Variants in CCSER1 observed in about 807,000 individuals in gnomAD.
CCSER1 encodes coiled-coil serine rich protein 1.
A neutral mutation model predicts 82.0 loss-of-function variants in CCSER1; 41 were observed. The ratio of observed to expected loss-of-function variants is 0.50; its 90% CI spans 0.39 to 0.65. The LOEUF is 0.65. Ranked by LOEUF, CCSER1 falls within the 30% of genes least tolerant of loss-of-function variation. The probability of loss-of-function intolerance (pLI) is 0.00; values close to 1 mark genes in which losing one functional copy is unlikely to be tolerated. For synonymous variants in CCSER1, 414 were observed against 383.9 expected (o/e 1.08, Z -0.92); for missense variants, 1,119 against 1,064.2 (o/e 1.05, Z -0.72).
At chr4:91,367,299 A>G (rs1245289385) in intron 10 of CCSER1, among the ~76,000 whole-genome samples, 1 of 144,416 alleles carries the variant, frequency 6.9e-6, no homozygotes, top group Non-Finnish European at 1.5e-5. Flanking sequence ...CATAGGTGAC[A>G]GAGTGAGATC....
chr4:90,577,726 G>A (rs924545015), intron 5 of CCSER1, among the ~76,000 whole-genome samples: 3 of 151,996 alleles, frequency 2.0e-5, no homozygotes, highest in Admixed American at 6.6e-5. Context: ...ATTTTTAAGA[G>A]TTCCTCTGAA....
At chr4:91,194,040 G>A (rs1379852560) in intron 10 of CCSER1, among the ~76,000 whole-genome samples, 2 of 152,146 alleles carry the variant, frequency 1.3e-5, no homozygotes, top group Non-Finnish European at 2.9e-5. Flanking sequence ...CATGATCTCA[G>A]CTCACTGCAA....
intron 5 of CCSER1, among the ~76,000 whole-genome samples, chr4:90,521,903 G>T (rs1435612569): frequency 6.6e-6 from 1 of 152,054 alleles, no homozygotes; most frequent in Non-Finnish European, 1.5e-5. Context: ...ATTTTCTCCT[G>T]TTCAGAATGC....
intron 3 of CCSER1, among the ~76,000 whole-genome samples, chr4:90,326,030 A>G (rs1490303627): frequency 6.7e-6 from 1 of 149,296 alleles, no homozygotes; most frequent in Non-Finnish European, 1.5e-5. Context: ...TGCATATGCA[A>G]TTTCACAATC....
rs116371280 is a variant in CCSER1 at position 90,932,054 on chromosome 4, A to G, written c.2172+8607A>G. On this transcript the variant is annotated intron_variant, in intron 9 of 10. Coordinates refer to ENST00000509176, the MANE Select transcript of CCSER1 (RefSeq NM_001145065.2). ...ACATGGATTTTCAGAATATTATATTAGAAAGTTTCCTAAAAGAAAGCCACA... is the reference window on the plus strand; with the variant it reads ...ACATGGATTTTCAGAATATTATATTGGAAAGTTTCCTAAAAGAAAGCCACA... Among the ~76,000 whole-genome samples the G allele has an allele frequency of 5.1e-3, 771 of 152,320 alleles. 6 individuals carry two copies. Among genetic ancestry groups the G allele is most frequent in the African/African-American group, 0.016 (664 of 41,574 alleles).
At chr4:90,249,182 T>C (rs1277581920) in intron 1 of CCSER1, among the ~76,000 whole-genome samples, 4 of 152,148 alleles carry the variant, frequency 2.6e-5, no homozygotes, top group Admixed American at 2.6e-4. Context: ...AAAGCTGATC[T>C]GTGTAACAAC....
chr4:90,489,609 G>A (rs1251143188), intron 5 of CCSER1, among the ~76,000 whole-genome samples: 1 of 152,078 alleles, frequency 6.6e-6, no homozygotes, highest in Non-Finnish European at 1.5e-5. Flanking sequence ...CCATGTTGGT[G>A]TGCTGCACCC....
At chr4:90,905,008 T>C (rs1725246749) in intron 8 of CCSER1, among the ~76,000 whole-genome samples, 1 of 152,088 alleles carries the variant, frequency 6.6e-6, no homozygotes, top group South Asian at 2.1e-4. Flanking sequence ...GAACAGAAAC[T>C]TGGGAGTTGT....
At chr4:91,522,453 T>G (rs1760530050) in intron 10 of CCSER1, among the ~76,000 whole-genome samples, 1 of 152,206 alleles carries the variant, frequency 6.6e-6, no homozygotes. Context: ...AATCTATAAA[T>G]TACCTTGGGC....
intron 1 of CCSER1, among the ~76,000 whole-genome samples, chr4:90,306,245 A>T (rs1304829270): frequency 6.6e-6 from 1 of 152,158 alleles, no homozygotes; most frequent in African/African-American, 2.4e-5. Flanking sequence ...TTTCAGTTAG[A>T]CAGGAGAAAT....
At chr4:90,827,123 T>C (rs957765115) in intron 8 of CCSER1, among the ~76,000 whole-genome samples, 3 of 152,122 alleles carry the variant, frequency 2.0e-5, no homozygotes, top group Non-Finnish European at 4.4e-5. Context: ...TGAATTAAGG[T>C]GTTGAGCATT....
intron 6 of CCSER1, among the ~76,000 whole-genome samples, chr4:90,717,798 T>C (rs1741926265): frequency 6.6e-6 from 1 of 150,588 alleles, no homozygotes; most frequent in South Asian, 2.1e-4. Context: ...TATATATATA[T>C]GTGTATATAT....
rs116720485 is a variant in CCSER1 at position 90,338,287 on chromosome 4, A to G, written c.1509+25240A>G. ...ACTCTCCTGAAATATTCCAGCCTTT[A>G]CTGACTTAAACTTCTGTTTTGGACA... On this transcript the variant is annotated intron_variant, in intron 3 of 10. Coordinates refer to ENST00000509176, the MANE Select transcript of CCSER1 (RefSeq NM_001145065.2). 7.0e-3 allele frequency among the ~76,000 whole-genome samples: 1,061 copies of G among 152,228 alleles called. 6 individuals carry two copies. The highest frequency in any genetic ancestry group is 0.01 in the Non-Finnish European group (697 of 68,004).
chr4:90,777,703 C>T (rs1753124218), intron 7 of CCSER1, among the ~76,000 whole-genome samples: 1 of 151,936 alleles, frequency 6.6e-6, no homozygotes, highest in Admixed American at 6.6e-5. Flanking sequence ...CTACTTTAAA[C>T]ACATTAAAGT....
rs199616939 is a variant in CCSER1, at chr4:91,395,760, GA to G, written c.2218-202803del. ...AGTTAAGTAATGGGTAAATGAGAAA[GA>G]AAAAAAAATTCCCTGCTTGCCTGAT... On this transcript the variant is annotated intron_variant, in intron 10 of 10. Transcript: ENST00000509176. 3.0e-3 allele frequency among the ~76,000 whole-genome samples: 457 copies of G among 151,180 alleles called. 1 individual carries two copies. The highest frequency in any genetic ancestry group is 0.01 in the African/African-American group (427 of 41,264).
At chr4:91,022,248 G>A (rs1215855459) in intron 9 of CCSER1, among the ~76,000 whole-genome samples, 2 of 149,404 alleles carry the variant, frequency 1.3e-5, no homozygotes, top group Non-Finnish European at 3.0e-5. Flanking sequence ...GAGAACATGC[G>A]GTGTTTGGTT....
chr4:91,312,198 T>C (rs1745530967), intron 10 of CCSER1, among the ~76,000 whole-genome samples: 1 of 151,816 alleles, frequency 6.6e-6, no homozygotes, highest in Non-Finnish European at 1.5e-5. Flanking sequence ...GCTAATCATT[T>C]AGTATTACTA....
At position 91,515,958 on chromosome 4, in the gene CCSER1, AG is replaced by A. The variant is rs530451704; in HGVS notation, c.2218-82613del. On this transcript the variant is annotated intron_variant, in intron 10 of 10. Coordinates refer to ENST00000509176, the MANE Select transcript of CCSER1 (RefSeq NM_001145065.2). ...GTTTTATTGCATTTCTCAAATGATT[AG>A]TGATGTTGAGCATTTTTTTTACATG... Among the ~76,000 whole-genome samples the A allele has an allele frequency of 1.3e-3, 193 of 150,264 alleles. 1 individual carries two copies. Among genetic ancestry groups the A allele is most frequent in the African/African-American group, 4.5e-3 (185 of 40,814 alleles).
intron 6 of CCSER1, among the ~76,000 whole-genome samples, chr4:90,644,550 A>G (rs911299999): frequency 2.0e-5 from 3 of 151,978 alleles, no homozygotes; most frequent in Admixed American, 2.0e-4. Context: ...ATGGTGGTTT[A>G]CTGCATCTAT....
Sources: allele counts gnomAD v4.1 joint callset (sites outside exome capture counted in the v4.1 genomes callset), GRCh38; gene constraint gnomAD v4.1.1; transcripts MANE v1.5; gene names NCBI Gene and HGNC (gene_info 2026-07-23, HGNC 2026-07-21).